The following KIAA1549L variants were observed in gnomAD, a reference collection of about 807,000 sequenced individuals.
KIAA1549L encodes the protein UPF0606 protein KIAA1549L.
KIAA1549L carries 88 observed loss-of-function variants against 160.7 expected under a neutral mutation model. The observed-to-expected ratio is 0.55, with a 90% CI of 0.46 to 0.65. The LOEUF (loss-of-function observed/expected upper bound fraction) is 0.65. Ranked by LOEUF, KIAA1549L falls within the 30% of genes least tolerant of loss-of-function variation. KIAA1549L has a pLI of 0.00. For missense variants in KIAA1549L, 2,258 were observed against 2,437.5 expected, an observed-to-expected ratio of 0.93 and a Z score of 1.55; for synonymous variants, 950 against 976.7, an observed-to-expected ratio of 0.97 and a Z score of 0.51.
rs1184211533 is a variant in KIAA1549L at position 33,579,630 on chromosome 11, C to T, written c.4403-3708C>T. Among the ~76,000 whole-genome samples, 3 of 152,136 alleles carry T rather than the reference C, an allele frequency of 2.0e-5. No individual in the cohort carries two copies. In the East Asian group the frequency reaches 5.8e-4, roughly 29 times the overall value. On this transcript the variant is annotated intron_variant, in intron 10 of 20. Transcript: ENST00000658780. ...GATATCAAGGGTGTGATAGGATATC[C>T]TAGGAAGGTTAAGAAAGGTGTTGGG...
At chr11:33,464,722 T>G (rs997065306) in intron 1 of KIAA1549L, among the ~76,000 whole-genome samples, 1 of 152,164 alleles carries the variant, frequency 6.6e-6, no homozygotes, top group African/African-American at 2.4e-5. Context: ...ATCATTTTCC[T>G]GCTTAAAACT....
At chr11:33,429,116 C>G (rs1486443975) in intron 1 of KIAA1549L, among the ~76,000 whole-genome samples, 1 of 152,028 alleles carries the variant, frequency 6.6e-6, no homozygotes, top group African/African-American at 2.4e-5. Flanking sequence ...GGATTACAGG[C>G]ACCCACCACT....
intron 1 of KIAA1549L, among the ~76,000 whole-genome samples, chr11:33,422,541 T>TC (rs1457545962): frequency 1.8e-5 from 1 of 55,250 alleles, no homozygotes; most frequent in Non-Finnish European, 3.3e-5. Flanking sequence ...CTTTCCCCCC[T>TC]CCCCCCTTCC....
intron 1 of KIAA1549L, among the ~76,000 whole-genome samples, chr11:33,469,216 C>T (rs754684539): frequency 9.9e-5 from 15 of 152,048 alleles, no homozygotes; most frequent in Non-Finnish European, 1.9e-4. Flanking sequence ...CCCAGTCCTA[C>T]GCAATCTACC....
At chr11:33,497,728 G>A (rs1261613212) in intron 1 of KIAA1549L, among the ~76,000 whole-genome samples, 1 of 152,186 alleles carries the variant, frequency 6.6e-6, no homozygotes, top group East Asian at 1.9e-4. Context: ...TATTCTATCA[G>A]TAAAAACATT....
In KIAA1549L at chr11:33,542,109, G is replaced by A. The variant is rs940426609; in HGVS notation, c.546G>A (p.Pro182=). ...ATTCTACCGAGTCCCTGGTCCAACC[G>A]GGGCCTAAAGGGGGACAAGAAGCAG... ...SKDSTESLVQ[P]GPKGGQEAAD... is the part of the protein sequence containing the mutation. Residue 182 remains proline, a synonymous_variant, in exon 2 of 21, where the codon CCG becomes CCA. Transcript: ENST00000658780. 3.0e-5 allele frequency: 15 copies of A among 504,574 alleles called. No individual in the cohort carries two copies. Among genetic ancestry groups the A allele is most frequent in the Non-Finnish European group, 4.6e-5 (12 of 258,808 alleles). The allele number at this position is 504,574 out of a possible 1,614,324, so 31.3% of individuals were successfully genotyped here.
intron 1 of KIAA1549L, among the ~76,000 whole-genome samples, chr11:33,497,649 G>A (rs537095536): frequency 1.2e-4 from 18 of 152,158 alleles, no homozygotes; most frequent in African/African-American, 4.3e-4. Flanking sequence ...GCTTTCATTT[G>A]TTCCTATTTA....
At chr11:33,591,175 A>G in intron 11 of KIAA1549L, 62 bp from the exon 12 acceptor site, 1 of 1,284,998 alleles carries the variant, frequency 7.8e-7, no homozygotes, top group Non-Finnish European at 1.1e-6. Flanking sequence ...TCATCTCTTA[A>G]AGCCATGGTT....
rs148397991 is a variant in KIAA1549L at position 33,541,054 on chromosome 11, A to G, written c.239-748A>G. 1.5e-3 allele frequency among the ~76,000 whole-genome samples: 222 copies of G among 152,338 alleles called. 1 individual carries two copies. The highest frequency in any genetic ancestry group is 2.6e-3 in the Non-Finnish European group (177 of 68,036). On this transcript the variant is annotated intron_variant, in intron 1 of 20. Coordinates refer to ENST00000658780, the MANE Select transcript of KIAA1549L (RefSeq NM_012194.3). ...TTCAGAGTGAACTTCTAGCTTTCCA[A>G]GAGTTGTTTCCTCGCCTCCTTTTTA... is the stretch of plus-strand genomic sequence containing the variant.
At chr11:33,459,687 C>T (rs1019253474) in intron 1 of KIAA1549L, among the ~76,000 whole-genome samples, 2 of 151,970 alleles carry the variant, frequency 1.3e-5, no homozygotes, top group East Asian at 1.9e-4. Context: ...TCGGGCCGGG[C>T]GCGGTGGCTC....
intron 10 of KIAA1549L, among the ~76,000 whole-genome samples, chr11:33,582,531 G>T (rs1855677159): frequency 6.6e-6 from 1 of 152,216 alleles, no homozygotes; most frequent in Non-Finnish European, 1.5e-5. Flanking sequence ...CTACCATGGA[G>T]AAGGAACTTC....
In KIAA1549L at chr11:33,543,977, G is replaced by A. The variant is rs751888595; in HGVS notation, c.2414G>A (p.Ser805Asn). The change falls in exon 2 of 21, where the codon AGC becomes AAC. Residue 805 changes from serine to asparagine, a missense_variant. Ser to Asn is a conservative substitution (Grantham distance 46, BLOSUM62 1). This residue lies in a region of KIAA1549L where 287 missense variants were observed against 292.3 expected (regional missense o/e 0.98). Coordinates refer to ENST00000658780, the MANE Select transcript of KIAA1549L (RefSeq NM_012194.3). ...VGSHIDLWPT[S>N]NNNHSRDFQT... ...AGCCATATAGACCTCTGGCCCACAAGCAATAACAACCATTCCAGAGACTTC... is the reference window on the plus strand; with the variant it reads ...AGCCATATAGACCTCTGGCCCACAAACAATAACAACCATTCCAGAGACTTC... 10 of 1,613,858 alleles carry A rather than the reference G, an allele frequency of 6.2e-6. No individual in the cohort carries two copies. In the Admixed American group the frequency reaches 8.3e-5, roughly 13 times the overall value.
At chr11:33,625,160 G>T (rs1159898421) in intron 16 of KIAA1549L, among the ~76,000 whole-genome samples, 2 of 151,488 alleles carry the variant, frequency 1.3e-5, no homozygotes, top group Admixed American at 1.3e-4. Flanking sequence ...GTCTATCATT[G>T]TTGGACATTT....
At chr11:33,432,048 T>C (rs2615897) in intron 1 of KIAA1549L, among the ~76,000 whole-genome samples, 65,871 of 152,060 alleles carry the variant, frequency 0.43, 15,804 homozygotes, top group African/African-American at 0.65. Context: ...GTGCGGGGCC[T>C]GCCAAGCCCA....
chr11:33,631,651 T>C (rs188037312), intron 16 of KIAA1549L, among the ~76,000 whole-genome samples: 32 of 152,306 alleles, frequency 2.1e-4, no homozygotes, highest in Admixed American at 1.8e-3. Context: ...GCAATGCTTT[T>C]GGAACTTGGT....
intron 1 of KIAA1549L, among the ~76,000 whole-genome samples, chr11:33,381,647 A>C (rs1035533758): frequency 6.6e-6 from 1 of 152,200 alleles, no homozygotes; most frequent in African/African-American, 2.4e-5. Flanking sequence ...ACATAATCTG[A>C]CTTAAGTTTT....
At chr11:33,427,039 A>G (rs2134113739) in intron 1 of KIAA1549L, among the ~76,000 whole-genome samples, 1 of 152,244 alleles carries the variant, frequency 6.6e-6, no homozygotes, top group East Asian at 1.9e-4. Flanking sequence ...GTAGCTCTCC[A>G]CCTTTACCCA....
chr11:33,545,117 C>G lies in KIAA1549L; in HGVS notation c.3124C>G (p.Pro1042Ala), dbSNP rs780694554. 21 of 1,614,006 alleles carry G rather than the reference C, an allele frequency of 1.3e-5. 1 individual carries two copies. The Admixed American group carries it at 3.3e-4, about 26-fold the overall frequency. ...ASGLLSTTYLPRKPQAMHTGL... is the reference protein window; with the variant it reads ...ASGLLSTTYLARKPQAMHTGL... ...TGGCCTGTTGTCTACAACTTACCTC[C>G]CCAGGAAACCACAAGCCATGCACAC... The change falls in exon 3 of 21, where the codon CCC becomes GCC. Residue 1042 changes from proline (P) to alanine (A), a missense_variant. This residue lies in a region of KIAA1549L where 1,359 missense variants were observed against 1,546.6 expected (regional missense o/e 0.88). Coordinates refer to ENST00000658780, the MANE Select transcript of KIAA1549L (RefSeq NM_012194.3).
chr11:33,402,130 C>G, intron 1 of KIAA1549L, among the ~76,000 whole-genome samples: 1 of 152,200 alleles, frequency 6.6e-6, no homozygotes. Context: ...GCCCTGTTCC[C>G]TCTTATGGAC....
Sources: gnomAD v4.1 joint callset for allele counts (sites outside exome capture counted in the v4.1 genomes callset) on GRCh38, gnomAD v4.1.1 for gene constraint, gnomAD v4.1.1 regional missense constraint, MANE v1.5 for transcripts, NCBI Gene and HGNC (gene_info 2026-07-23, HGNC 2026-07-21) for gene names.